GJA1: variants seen among roughly 807,000 people sequenced by gnomAD.
GJA1 encodes gap junction protein alpha 1, also known as gap junction alpha-1 protein.
Under a neutral mutation model 31.0 loss-of-function variants are expected in GJA1, and 9 were observed. The observed-to-expected ratio is 0.29, with a 90% confidence interval of 0.17 to 0.51. GJA1 has a LOEUF of 0.51. GJA1 is among the 20% of genes least tolerant of loss of function. GJA1 has a pLI of 0.98. For synonymous variants in GJA1, 186 were observed against 180.1 expected (o/e 1.03, Z -0.26); for missense variants, 278 against 468.8 (o/e 0.59, Z 3.76).
Position 121,447,789 on chromosome 6 carries a change from T to C in GJA1, c.942T>C (p.Ser314=). 6.2e-7 allele frequency: 1 copy of C among 1,614,040 alleles called. No homozygotes were observed. ...QASEQNWANY[S]AEQNRMGQAG... Reference sequence around the variant, plus strand: ...GTGAGCAAAACTGGGCTAATTACAGTGCAGAACAAAATCGAATGGGGCAGG... The same window carrying C: ...GTGAGCAAAACTGGGCTAATTACAGCGCAGAACAAAATCGAATGGGGCAGG... The change falls in exon 2 of 2, where the codon AGT becomes AGC. Residue 314 remains serine, a synonymous_variant. Transcript: ENST00000282561.
rs765562525 is a variant in GJA1 at position 121,446,839 on chromosome 6, C to T, written c.-9C>T. On this transcript the variant is annotated 5_prime_UTR_variant, in exon 2 of 2. Coordinates refer to ENST00000282561, the MANE Select transcript of GJA1 (RefSeq NM_000165.5). Reference sequence around the variant, plus strand: ...TCTCTTTGTTTCTTTCAGGTGGTGCCCAGGCAACATGGGTGACTGGAGCGC... The same window carrying T: ...TCTCTTTGTTTCTTTCAGGTGGTGCTCAGGCAACATGGGTGACTGGAGCGC... 6.2e-7 allele frequency: 1 copy of T among 1,602,590 alleles called. No individual in the cohort carries two copies. The highest frequency in any genetic ancestry group is 1.1e-5 in the South Asian group (1 of 90,844).
intron 1 of GJA1, 41 bp from the exon 2 acceptor site, chr6:121,446,791 T>G: frequency 8.2e-7 from 1 of 1,216,842 alleles, no homozygotes; most frequent in Non-Finnish European, 1.2e-6. Context: ...ACTAGTAATT[T>G]GCAATCTGTG....
chr6:121,449,047 A>C lies in GJA1; in HGVS notation c.*1051A>C, dbSNP rs1773940361. 1 of 165,674 alleles carries C rather than the reference A, an allele frequency of 6.0e-6. No homozygotes were observed. The highest frequency in any genetic ancestry group is 6.5e-5 in the Admixed American group (1 of 15,274). The allele number at this position is 165,674 out of a possible 1,614,324, so 10.3% of individuals were successfully genotyped here. A position where few individuals can be genotyped will look rare whatever the true frequency, so the allele number is the denominator to read the frequency against. ...TAAAATGTTTTTCCCTGTGTATCCT[A>C]TTATGGATACTGGTTTTGTTAATTA... is the stretch of plus-strand genomic sequence containing the variant. On this transcript the variant is annotated 3_prime_UTR_variant, in exon 2 of 2. Transcript: ENST00000282561.
At position 121,446,348 on chromosome 6, in the gene GJA1, T is replaced by G. The variant is rs147793248; in HGVS notation, c.-16-484T>G. 7.9e-4 allele frequency among the ~76,000 whole-genome samples: 121 copies of G among 152,264 alleles called. No homozygotes were observed. In the Middle Eastern group the frequency reaches 0.01, roughly 13 times the overall value. On this transcript the variant is annotated intron_variant, in intron 1 of 1. Coordinates refer to ENST00000282561, the MANE Select transcript of GJA1 (RefSeq NM_000165.5). ...AGTAATAAAATGATATATAATAGCA[T>G]TAAGGTTTTGGAAAGAAGGTTATGG...
At position 121,449,719 on chromosome 6, in the gene GJA1, A is replaced by G. The variant is rs1773952500; in HGVS notation, c.*1723A>G. ...TTATTCAATAAAGTTTTAATTTAGTATAAACATAGCTTCTATATTCCGTGT... is the reference window on the plus strand; with the variant it reads ...TTATTCAATAAAGTTTTAATTTAGTGTAAACATAGCTTCTATATTCCGTGT... On this transcript the variant is annotated 3_prime_UTR_variant, in exon 2 of 2. Transcript: ENST00000282561. 6.0e-6 allele frequency: 1 copy of G among 167,066 alleles called. No homozygotes were observed. The highest frequency in any genetic ancestry group is 2.4e-5 in the African/African-American group (1 of 41,444). 10.3% of individuals were successfully genotyped at this position (167,066 alleles called of 1,614,324 possible). A position where few individuals can be genotyped will look rare whatever the true frequency, so the allele number is the denominator to read the frequency against.
In GJA1 at chr6:121,449,110, A is replaced by G. The variant is rs1773941848; in HGVS notation, c.*1114A>G. On this transcript the variant is annotated 3_prime_UTR_variant, in exon 2 of 2. Transcript: ENST00000282561. ...TTCTCTCCTTTTTTTAGGATATAGC[A>G]GTAATGCTATTACTGAAATGAATTT... is the stretch of plus-strand genomic sequence containing the variant. 1 of 166,720 alleles carries G rather than the reference A, an allele frequency of 6.0e-6. No homozygotes were observed. The highest frequency in any genetic ancestry group is 1.5e-5 in the Non-Finnish European group (1 of 68,132). The allele number at this position is 166,720 out of a possible 1,614,324, so 10.3% of individuals were successfully genotyped here.
chr6:121,438,609 C>G (rs1484028203), intron 1 of GJA1, among the ~76,000 whole-genome samples: 1 of 152,194 alleles, frequency 6.6e-6, no homozygotes, highest in Non-Finnish European at 1.5e-5. Context: ...TCCACTCCGC[C>G]TTTCCTGTTG....
intron 1 of GJA1, among the ~76,000 whole-genome samples, chr6:121,439,144 T>A (rs974588253): frequency 3.9e-5 from 6 of 151,994 alleles, no homozygotes; most frequent in African/African-American, 9.6e-5. Context: ...TAAAAAAAAA[T>A]TTTAAAAAGA....
chr6:121,437,994 C>T (rs1773697320), intron 1 of GJA1, among the ~76,000 whole-genome samples: 1 of 151,808 alleles, frequency 6.6e-6, no homozygotes, highest in African/African-American at 2.4e-5. Context: ...GCGCTCCCCT[C>T]CCCCCCGCGC....
chr6:121,444,259 G>C (rs1206972553), intron 1 of GJA1, among the ~76,000 whole-genome samples: 2 of 152,094 alleles, frequency 1.3e-5, no homozygotes, highest in African/African-American at 4.8e-5. Context: ...TGTCACTTCA[G>C]AATCTAAAAT....
At chr6:121,442,155 T>C (rs1250594442) in intron 1 of GJA1, among the ~76,000 whole-genome samples, 1 of 152,220 alleles carries the variant, frequency 6.6e-6, no homozygotes, top group African/African-American at 2.4e-5. Flanking sequence ...ATATCAAATT[T>C]CACTTTAGTT....
rs1481813597 is a variant in GJA1, at chr6:121,446,831, G to A, written c.-16-1G>A. On this transcript the variant is annotated splice_acceptor_variant, in intron 1 of 1. Coordinates refer to ENST00000282561, the MANE Select transcript of GJA1 (RefSeq NM_000165.5). LOFTEE classifies it low-confidence loss of function (5UTR_SPLICE). ...TTGAATTGTCTCTTTGTTTCTTTCA[G>A]GTGGTGCCCAGGCAACATGGGTGAC... is the stretch of plus-strand genomic sequence containing the variant. The A allele has an allele frequency of 6.3e-7, 1 of 1,587,912 alleles. No homozygotes were observed.
intron 1 of GJA1, among the ~76,000 whole-genome samples, chr6:121,439,878 T>A (rs1773737456): frequency 6.6e-6 from 1 of 152,198 alleles, no homozygotes; most frequent in African/African-American, 2.4e-5. Flanking sequence ...TACACTATAG[T>A]TAGGCCATCT....
chr6:121,449,308 G>C lies in GJA1; in HGVS notation c.*1312G>C, dbSNP rs1173364366. The C allele has an allele frequency of 6.0e-6, 1 of 167,078 alleles. No homozygotes were observed. The highest frequency in any genetic ancestry group is 2.4e-5 in the African/African-American group (1 of 41,456). The allele number at this position is 167,078 out of a possible 1,614,324, so 10.3% of individuals were successfully genotyped here. ...CTTGGGTTTTCCTACTTAATACACA[G>C]TAATTCAGAACTTGTATTCTATTAT... is the stretch of plus-strand genomic sequence containing the variant. On this transcript the variant is annotated 3_prime_UTR_variant, in exon 2 of 2. Coordinates refer to ENST00000282561, the MANE Select transcript of GJA1 (RefSeq NM_000165.5).
At chr6:121,445,554 G>A (rs1773872834) in intron 1 of GJA1, among the ~76,000 whole-genome samples, 1 of 149,532 alleles carries the variant, frequency 6.7e-6, no homozygotes, top group Admixed American at 6.9e-5. Flanking sequence ...CCAAAGCCCA[G>A]TAAGGGAACT....
At chr6:121,444,516 T>C (rs942144869) in intron 1 of GJA1, among the ~76,000 whole-genome samples, 4 of 152,186 alleles carry the variant, frequency 2.6e-5, no homozygotes, top group Non-Finnish European at 1.5e-5. Context: ...TCATTTTTTC[T>C]TGTTCTCTAT....
chr6:121,436,001 C>G (rs1773655221), intron 1 of GJA1, among the ~76,000 whole-genome samples, 169 bp downstream of exon 1: 1 of 151,650 alleles, frequency 6.6e-6, no homozygotes, highest in African/African-American at 2.4e-5. Flanking sequence ...TTTATTGTAC[C>G]AAATATATAT....
In GJA1 at chr6:121,446,953, C is replaced by T. The variant is rs1339671437; in HGVS notation, c.106C>T (p.Leu36=). The T allele has an allele frequency of 6.2e-7, 1 of 1,614,042 alleles. No homozygotes were observed. Residue 36 remains leucine, a synonymous_variant, in exon 2 of 2, where the codon CTG becomes TTG. Coordinates refer to ENST00000282561, the MANE Select transcript of GJA1 (RefSeq NM_000165.5). ...AGTACTTTTCATTTTCCGAATCCTG[C>T]TGCTGGGGACAGCGGTTGAGTCAGC... is the stretch of plus-strand genomic sequence containing the variant. ...LSVLFIFRIL[L]LGTAVESAWG... is the part of the protein sequence containing the mutation.
chr6:121,447,759 A>G lies in GJA1; in HGVS notation c.912A>G (p.Gln304=), dbSNP rs768514685. Residue 304 remains glutamine (Q), a synonymous_variant, in exon 2 of 2, where the codon CAA becomes CAG. Coordinates refer to ENST00000282561, the MANE Select transcript of GJA1 (RefSeq NM_000165.5). Reference sequence around the variant, plus strand: ...CTTCTTGCCGCAATTACAACAAGCAAGCAAGTGAGCAAAACTGGGCTAATT... The same window carrying G: ...CTTCTTGCCGCAATTACAACAAGCAGGCAAGTGAGCAAAACTGGGCTAATT... ...NNSSCRNYNK[Q]ASEQNWANYS... The G allele has an allele frequency of 1.2e-6, 2 of 1,614,116 alleles. No individual in the cohort carries two copies. The highest frequency in any genetic ancestry group is 1.7e-5 in the Admixed American group (1 of 60,020).
Sources: gnomAD v4.1 joint callset for allele counts (sites outside exome capture counted in the v4.1 genomes callset) on GRCh38, gnomAD v4.1.1 for gene constraint, MANE v1.5 for transcripts, NCBI Gene and HGNC (gene_info 2026-07-23, HGNC 2026-07-21) for gene names.